GMDS: variants seen among roughly 807,000 people sequenced by gnomAD.
GMDS encodes the protein GDP-mannose 4,6-dehydratase, also known as GDP-mannose 4,6 dehydratase.
Under a neutral mutation model 49.9 loss-of-function variants are expected in GMDS, and 20 were observed. The observed-to-expected ratio is 0.40, with a 90% CI of 0.28 to 0.58. The LOEUF is 0.58. Ranked by LOEUF, GMDS falls within the 20% of genes least tolerant of loss-of-function variation. The pLI is 0.42. For missense variants in GMDS, 362 were observed against 481.4 expected (o/e 0.75, Z 2.32); for synonymous variants, 177 against 178.6 (o/e 0.99, Z 0.07).
chr6:1,756,882 C>T (rs1009407368), intron 7 of GMDS, among the ~76,000 whole-genome samples: 1 of 152,212 alleles, frequency 6.6e-6, no homozygotes, highest in African/African-American at 2.4e-5. Flanking sequence ...GGAAGCTGTC[C>T]AGTTCACTTC....
Position 2,135,616 on chromosome 6 carries a change from T to C in GMDS, c.103-10885A>G, listed in dbSNP as rs1476337669. Among the ~76,000 whole-genome samples the C allele has an allele frequency of 3.3e-5, 5 of 152,144 alleles. No individual in the cohort carries two copies. The South Asian group carries it at 8.3e-4, about 25-fold the overall frequency. On this transcript the variant is annotated intron_variant, in intron 1 of 10. Transcript: ENST00000380815. ...TACCACATCATCATCATCATCATCATCATCATCATCATATTAGCAATGACA... is the reference window on the plus strand; with the variant it reads ...TACCACATCATCATCATCATCATCACCATCATCATCATATTAGCAATGACA...
intron 6 of GMDS, among the ~76,000 whole-genome samples, chr6:1,934,586 T>C (rs1461963351): frequency 1.3e-5 from 2 of 152,198 alleles, no homozygotes; most frequent in African/African-American, 4.8e-5. Flanking sequence ...GAGAATAATT[T>C]TTACACTTCT....
At chr6:1,864,699 A>G (rs1454214677) in intron 7 of GMDS, among the ~76,000 whole-genome samples, 2 of 152,176 alleles carry the variant, frequency 1.3e-5, no homozygotes, top group African/African-American at 4.8e-5. Context: ...TCAGAACCAG[A>G]CCTGTCAGTG....
intron 4 of GMDS, among the ~76,000 whole-genome samples, chr6:1,988,967 C>T (rs1465569628): frequency 6.6e-6 from 1 of 152,112 alleles, no homozygotes; most frequent in African/African-American, 2.4e-5. Flanking sequence ...AAAGGCTGGC[C>T]CTCTTGGATT....
At chr6:1,920,491 G>T (rs1761661506) in intron 7 of GMDS, among the ~76,000 whole-genome samples, 1 of 152,190 alleles carries the variant, frequency 6.6e-6, no homozygotes, top group Non-Finnish European at 1.5e-5. Context: ...TTAACGTATG[G>T]TATGTGTGCA....
In GMDS at chr6:2,106,426, C is replaced by T. The variant is rs2127491295; in HGVS notation, c.345+9345G>A. Among the ~76,000 whole-genome samples, 5 of 152,166 alleles carry T rather than the reference C, an allele frequency of 3.3e-5. 1 individual carries two copies. The South Asian group carries it at 1.0e-3, about 32-fold the overall frequency. ...AAATCATATTTAATATCAAGCTTTA[C>T]TATGTATTTTAAAAGAGGTATTAAG... is the stretch of plus-strand genomic sequence containing the variant. On this transcript the variant is annotated intron_variant, in intron 4 of 10. Coordinates refer to ENST00000380815, the MANE Select transcript of GMDS (RefSeq NM_001500.4).
chr6:1,759,295 G>A (rs1768072864), intron 7 of GMDS, among the ~76,000 whole-genome samples: 1 of 152,180 alleles, frequency 6.6e-6, no homozygotes, highest in Admixed American at 6.5e-5. Flanking sequence ...CCTTAGAGGT[G>A]TTGTCATTCA....
chr6:1,958,983 T>C (rs1215476002), intron 6 of GMDS, among the ~76,000 whole-genome samples: 3 of 152,184 alleles, frequency 2.0e-5, no homozygotes, highest in Admixed American at 6.6e-5. Context: ...AACTAGCACG[T>C]TGCTACAGTC....
chr6:1,681,617 G>A (rs1219821234), intron 9 of GMDS, among the ~76,000 whole-genome samples: 1 of 152,186 alleles, frequency 6.6e-6, no homozygotes, highest in East Asian at 1.9e-4. Flanking sequence ...GCAGCCCCAG[G>A]CAGAGAGGCC....
intron 7 of GMDS, among the ~76,000 whole-genome samples, chr6:1,765,309 A>C (rs1768308319): frequency 6.6e-6 from 1 of 152,200 alleles, no homozygotes; most frequent in African/African-American, 2.4e-5. Context: ...TTTGGCATAA[A>C]GAGTTCCCAA....
At chr6:2,192,422 G>A (rs1255570025) in intron 1 of GMDS, among the ~76,000 whole-genome samples, 2 of 152,218 alleles carry the variant, frequency 1.3e-5, no homozygotes, top group Non-Finnish European at 2.9e-5. Context: ...TAAATGGCAA[G>A]GCTAAAAGAG....
At chr6:1,780,960 G>C (rs1473048330) in intron 7 of GMDS, among the ~76,000 whole-genome samples, 1 of 152,104 alleles carries the variant, frequency 6.6e-6, no homozygotes, top group African/African-American at 2.4e-5. Flanking sequence ...TCTGAACACA[G>C]TTTGAGTTTG....
chr6:1,832,827 T>C (rs1264769110), intron 7 of GMDS, among the ~76,000 whole-genome samples: 1 of 152,236 alleles, frequency 6.6e-6, no homozygotes, highest in Non-Finnish European at 1.5e-5. Flanking sequence ...AGTTCTGTCT[T>C]TGCCTGCCAC....
intron 6 of GMDS, among the ~76,000 whole-genome samples, chr6:1,931,678 A>G (rs1359151377): frequency 2.6e-5 from 4 of 152,298 alleles, no homozygotes; most frequent in Admixed American, 2.6e-4. Context: ...TTTGATGTTT[A>G]TCATTATTTC....
chr6:2,068,646 T>C (rs973437237), intron 4 of GMDS, among the ~76,000 whole-genome samples: 5 of 152,120 alleles, frequency 3.3e-5, no homozygotes. Flanking sequence ...AGCCAAATCA[T>C]GGGTGAACTC....
chr6:1,693,874 T>C (rs1448051327), intron 9 of GMDS, among the ~76,000 whole-genome samples: 1 of 152,240 alleles, frequency 6.6e-6, no homozygotes, highest in Non-Finnish European at 1.5e-5. Flanking sequence ...ACATTTTTCT[T>C]ATTTTAATCT....
chr6:2,194,471 C>A (rs1779195053), intron 1 of GMDS, among the ~76,000 whole-genome samples: 1 of 152,268 alleles, frequency 6.6e-6, no homozygotes, highest in South Asian at 2.1e-4. Flanking sequence ...AATAAATAAA[C>A]ATTTCAGCTA....
intron 4 of GMDS, among the ~76,000 whole-genome samples, chr6:2,103,200 G>C (rs544783120): frequency 6.6e-6 from 1 of 152,248 alleles, no homozygotes; most frequent in African/African-American, 2.4e-5. Context: ...AACCTCATTT[G>C]GGGGAAGCAG....
At chr6:1,856,549 T>G (rs974231902) in intron 7 of GMDS, among the ~76,000 whole-genome samples, 2 of 152,230 alleles carry the variant, frequency 1.3e-5, no homozygotes, top group East Asian at 1.9e-4. Flanking sequence ...AGTGGACTCC[T>G]TTCACTTTAT....
Sources: allele counts gnomAD v4.1 joint callset (sites outside exome capture counted in the v4.1 genomes callset), GRCh38; gene constraint gnomAD v4.1.1; transcripts MANE v1.5; gene names NCBI Gene and HGNC (gene_info 2026-07-23, HGNC 2026-07-21).